Variants in WAC observed in about 807,000 individuals in gnomAD.
WAC encodes the protein WW domain-containing adapter protein with coiled-coil.
In WAC, 11 loss-of-function variants were observed where a neutral mutation model predicts 79.6. That is an observed-to-expected ratio of 0.14 (90% confidence interval 0.09 to 0.23). The LOEUF is 0.23. Among genes scored for constraint, WAC ranks in the 10% least tolerant of loss-of-function variants. WAC has a pLI of 1.00. For synonymous variants in WAC, 304 were observed against 276.9 expected (o/e 1.10, Z -0.97); for missense variants, 728 against 773.5 (o/e 0.94, Z 0.70).
intron 3 of WAC, among the ~76,000 whole-genome samples, chr10:28,558,729 A>G (rs1479359247): frequency 6.6e-6 from 1 of 152,196 alleles, no homozygotes; most frequent in African/African-American, 2.4e-5. Flanking sequence ...GTGAATCAAT[A>G]AAGTCTGGTG....
chr10:28,559,644 G>T (rs1183979947), intron 3 of WAC, among the ~76,000 whole-genome samples: 1 of 152,152 alleles, frequency 6.6e-6, no homozygotes, highest in African/African-American at 2.4e-5. Context: ...GTTCCCACTG[G>T]TTTACAGAAA....
intron 11 of WAC, 95 bp from the exon 12 acceptor site, chr10:28,616,077 CT>C (rs1589248833): frequency 7.9e-6 from 8 of 1,016,494 alleles, no homozygotes; most frequent in Non-Finnish European, 1.1e-5. Context: ...ATTTGGATAT[CT>C]TTAAGTTAAT....
chr10:28,534,016 G>A lies in WAC; in HGVS notation c.60G>A (p.Gly20=), dbSNP rs1296131232. 2 of 1,601,188 alleles carry A rather than the reference G, an allele frequency of 1.2e-6. No individual in the cohort carries two copies. The highest frequency in any genetic ancestry group is 2.7e-5 in the African/African-American group (2 of 72,870). The change falls in exon 2 of 14, where the codon GGG becomes GGA. Residue 20 remains glycine (G), a synonymous_variant. Transcript: ENST00000354911. ...TTTTCAGCTGTCACGACCGGAGGGG[G>A]GACTCGCAGCCTTACCAGGTACCAG... ...RLSDGCHDRR[G]DSQPYQALKY...
At chr10:28,600,624 T>TA (rs1190590292) in intron 7 of WAC, among the ~76,000 whole-genome samples, 5 of 152,086 alleles carry the variant, frequency 3.3e-5, no homozygotes, top group Non-Finnish European at 5.9e-5. Flanking sequence ...AAATAACTGA[T>TA]AAAAAATATT....
chr10:28,533,178 G>GGGA lies in WAC; in HGVS notation c.-388_-386dup, dbSNP rs911736728. 1.0e-4 allele frequency: 17 copies of GGGA among 169,878 alleles called. No homozygotes were observed. The highest frequency in any genetic ancestry group is 4.6e-4 in the South Asian group (4 of 8,622). 10.5% of individuals were successfully genotyped at this position (169,878 alleles called of 1,614,324 possible). ...CGGCACCAGCGGCGGCGGCGGCGGC[G>GGGA]GGAGGAGGAGGAGGAGAAGAAGGAC... On this transcript the variant is annotated 5_prime_UTR_variant, in exon 1 of 14. Coordinates refer to ENST00000354911, the MANE Select transcript of WAC (RefSeq NM_016628.5).
At position 28,596,048 on chromosome 10, in the gene WAC, C is replaced by A; in HGVS notation, c.919+7C>A. On this transcript the variant is annotated splice_region_variant and intron_variant, in intron 7 of 13. Transcript: ENST00000354911. ...CAGAAAACAGAAAGAAAAGGTATGC[C>A]ATTATTACTAGATGCTGCACGTTGA... 1 of 1,611,930 alleles carries A rather than the reference C, an allele frequency of 6.2e-7. No homozygotes were observed. The highest frequency in any genetic ancestry group is 1.1e-5 in the South Asian group (1 of 90,898).
At chr10:28,587,330 TC>T (rs1447008964) in intron 4 of WAC, among the ~76,000 whole-genome samples, 2 of 152,228 alleles carry the variant, frequency 1.3e-5, no homozygotes, top group Non-Finnish European at 2.9e-5. Context: ...CGTATCTGCT[TC>T]TGCATTCAAT....
At chr10:28,597,322 A>G (rs1278936580) in intron 7 of WAC, among the ~76,000 whole-genome samples, 1 of 152,206 alleles carries the variant, frequency 6.6e-6, no homozygotes, top group Non-Finnish European at 1.5e-5. Flanking sequence ...TCCATAGGAC[A>G]TTTTGGTTTC....
intron 3 of WAC, among the ~76,000 whole-genome samples, chr10:28,581,386 A>G (rs1435527057): frequency 1.3e-5 from 2 of 150,620 alleles, no homozygotes; most frequent in East Asian, 4.0e-4. Flanking sequence ...GCCTGGCCTC[A>G]GTGAGCACCT....
At chr10:28,539,650 C>T (rs1025243420) in intron 3 of WAC, among the ~76,000 whole-genome samples, 5 of 151,856 alleles carry the variant, frequency 3.3e-5, no homozygotes, top group African/African-American at 1.2e-4. Flanking sequence ...CCTCTGCCTC[C>T]TGAGTTCAAG....
chr10:28,568,619 GT>G (rs1838779977), intron 3 of WAC, among the ~76,000 whole-genome samples: 1 of 152,028 alleles, frequency 6.6e-6, no homozygotes, highest in African/African-American at 2.4e-5. Context: ...ATGTATACGT[GT>G]TCCATCATGG....
chr10:28,605,050 C>T (rs1027178947), intron 7 of WAC, among the ~76,000 whole-genome samples: 2 of 152,062 alleles, frequency 1.3e-5, no homozygotes, highest in East Asian at 1.9e-4. Context: ...TTTGGAAGGA[C>T]GTTTGTATGT....
chr10:28,563,744 CTTTTT>C (rs71281550), intron 3 of WAC, among the ~76,000 whole-genome samples: 15 of 67,912 alleles, frequency 2.2e-4, no homozygotes, highest in Admixed American at 1.6e-3. Context: ...CTACACCCAG[CTTTTT>C]TTTTTTTTTT....
chr10:28,622,797 C>T lies in WAC; in HGVS notation c.*3191C>T, dbSNP rs533739911. 6.6e-6 allele frequency: 1 copy of T among 152,124 alleles called. No homozygotes were observed. The highest frequency in any genetic ancestry group is 1.5e-5 in the Non-Finnish European group (1 of 68,030). 9.4% of individuals were successfully genotyped at this position (152,124 alleles called of 1,614,324 possible). On this transcript the variant is annotated 3_prime_UTR_variant, in exon 14 of 14. Transcript: ENST00000354911. ...TTATTATGTTCAAAAACCACCATAT[C>T]TTTGAGGGACTGTTTGAAAGGGGAG...
intron 3 of WAC, among the ~76,000 whole-genome samples, chr10:28,575,978 A>G (rs913225160): frequency 1.4e-4 from 21 of 152,352 alleles, no homozygotes; most frequent in Admixed American, 9.8e-4. Flanking sequence ...AGTTGCCTAC[A>G]GTCTTCAGTA....
chr10:28,594,252 A>G (rs1021754731), intron 6 of WAC, among the ~76,000 whole-genome samples: 3 of 152,166 alleles, frequency 2.0e-5, no homozygotes, highest in East Asian at 1.9e-4. Flanking sequence ...TTGACTAGCG[A>G]TATAGAACTG....
intron 3 of WAC, among the ~76,000 whole-genome samples, chr10:28,562,967 C>T (rs1176824615): frequency 6.6e-6 from 1 of 151,964 alleles, no homozygotes; most frequent in East Asian, 1.9e-4. Context: ...TAGTGTGCAG[C>T]GGGTGATCAA....
At chr10:28,596,130 T>G (rs1476958926) in intron 7 of WAC, 89 bp downstream of exon 7, 29 of 1,355,404 alleles carry the variant, frequency 2.1e-5, no homozygotes, top group Non-Finnish European at 2.9e-5. Context: ...TTCCTTTGGC[T>G]CTGAATTATA....
At chr10:28,591,925 T>C (rs1244666114) in intron 6 of WAC, 1 of 152,128 alleles carries the variant, frequency 6.6e-6, no homozygotes, top group Non-Finnish European at 1.5e-5. Flanking sequence ...AGATGATGTT[T>C]TCTGGGAATT....
Sources: gnomAD v4.1 joint callset for allele counts (sites outside exome capture counted in the v4.1 genomes callset) on GRCh38, gnomAD v4.1.1 for gene constraint, MANE v1.5 for transcripts, NCBI Gene and HGNC (gene_info 2026-07-23, HGNC 2026-07-21) for gene names.